Variants in GLIS3 observed in about 807,000 individuals in gnomAD.
The protein encoded by GLIS3 is GLIS family zinc finger 3, also known as zinc finger protein GLIS3.
Under a neutral mutation model 78.6 loss-of-function variants are expected in GLIS3, and 53 were observed. The observed-to-expected ratio is 0.67, with a 90% CI of 0.54 to 0.85. The LOEUF is 0.85. Ranked by LOEUF, GLIS3 falls within the 40% of genes least tolerant of loss-of-function variation. GLIS3 has a pLI of 0.00. For missense variants in GLIS3, 1,703 were observed against 1,231.1 expected (o/e 1.38, Z -5.74); for synonymous variants, 684 against 509.9 (o/e 1.34, Z -4.60).
intron 4 of GLIS3, among the ~76,000 whole-genome samples, chr9:4,063,974 G>C (rs989539029): frequency 6.6e-6 from 1 of 152,106 alleles, no homozygotes; most frequent in Non-Finnish European, 1.5e-5. Context: ...AACAGAAAAG[G>C]TCCTGTTCCA....
the GLIS3 span, among the ~76,000 whole-genome samples, chr9:4,378,878 G>C: frequency 5.9e-5 from 9 of 152,174 alleles, no homozygotes; most frequent in African/African-American, 2.2e-4. Flanking sequence ...CCTGGAGACT[G>C]ATTCTTCCTC....
At chr9:4,386,804 T>TA in the GLIS3 span, among the ~76,000 whole-genome samples, 657 of 152,332 alleles carry the variant, frequency 4.3e-3, 3 homozygotes, top group African/African-American at 0.015. Flanking sequence ...ATTGGCCTTA[T>TA]GTTCCCTGCC....
the GLIS3 span, among the ~76,000 whole-genome samples, chr9:4,440,857 A>G: frequency 2.3e-3 from 342 of 151,950 alleles, 1 homozygote; most frequent in Non-Finnish European, 4.0e-3. Flanking sequence ...TGTAGTTTTC[A>G]TTGTAAAGAT....
the GLIS3 span, among the ~76,000 whole-genome samples, chr9:4,471,341 T>C: frequency 1.3e-5 from 2 of 152,088 alleles, no homozygotes; most frequent in Non-Finnish European, 2.9e-5. Context: ...CATCACGTTA[T>C]GTAAATTCAA....
chr9:4,020,591 T>C (rs1199370368), intron 4 of GLIS3, among the ~76,000 whole-genome samples: 14 of 152,248 alleles, frequency 9.2e-5, no homozygotes. Flanking sequence ...CACATACTTA[T>C]GCAGTGACAT....
intron 6 of GLIS3, among the ~76,000 whole-genome samples, chr9:3,925,999 C>A (rs949797294): frequency 1.3e-5 from 2 of 152,104 alleles, no homozygotes; most frequent in Admixed American, 6.5e-5. Flanking sequence ...AAATGCTAAC[C>A]ATCTGGGTCA....
At chr9:4,277,387 G>C (rs1349860200) in intron 2 of GLIS3, among the ~76,000 whole-genome samples, 1 of 152,100 alleles carries the variant, frequency 6.6e-6, no homozygotes, top group Non-Finnish European at 1.5e-5. Context: ...AACACAAACA[G>C]TAAAAAATAA....
chr9:4,220,867 C>T (rs894786834), intron 2 of GLIS3, among the ~76,000 whole-genome samples: 1 of 152,104 alleles, frequency 6.6e-6, no homozygotes, highest in Non-Finnish European at 1.5e-5. Context: ...GACCTGTAAT[C>T]CCAGCTACTC....
chr9:4,443,544 G>T, the GLIS3 span, among the ~76,000 whole-genome samples: 2 of 152,206 alleles, frequency 1.3e-5, no homozygotes, highest in East Asian at 1.9e-4. Context: ...GGAAAGCAGT[G>T]TCACCCATTT....
At chr9:4,335,346 A>G (rs1248542654) in intron 2 of GLIS3, among the ~76,000 whole-genome samples, 3 of 152,244 alleles carry the variant, frequency 2.0e-5, no homozygotes, top group Admixed American at 2.0e-4. Context: ...TGTGAAATTG[A>G]TCAATTAATT....
At chr9:4,087,992 A>C (rs1239700219) in intron 4 of GLIS3, among the ~76,000 whole-genome samples, 2 of 152,190 alleles carry the variant, frequency 1.3e-5, no homozygotes, top group African/African-American at 4.8e-5. Context: ...CAGACTCCAC[A>C]TGTCATTCAT....
At chr9:3,983,217 A>C (rs1819448213) in intron 4 of GLIS3, among the ~76,000 whole-genome samples, 1 of 152,210 alleles carries the variant, frequency 6.6e-6, no homozygotes, top group South Asian at 2.1e-4. Flanking sequence ...GTTTCCCTGC[A>C]AAAGCTCTCT....
chr9:4,152,397 G>T (rs1327920274), intron 2 of GLIS3, among the ~76,000 whole-genome samples: 1 of 152,072 alleles, frequency 6.6e-6, no homozygotes, highest in Non-Finnish European at 1.5e-5. Flanking sequence ...CAATAACAAG[G>T]TTTACATTTT....
At chr9:4,325,705 AAT>A (rs1427665063) in intron 2 of GLIS3, among the ~76,000 whole-genome samples, 5 of 152,138 alleles carry the variant, frequency 3.3e-5, no homozygotes, top group African/African-American at 7.2e-5. Context: ...TTTTGAGATA[AAT>A]ATGTTTGTTT....
chr9:4,466,632 G>T, the GLIS3 span, among the ~76,000 whole-genome samples: 1 of 152,176 alleles, frequency 6.6e-6, no homozygotes, highest in East Asian at 1.9e-4. Context: ...GGTGTATCAG[G>T]CAAAACCCAA....
intron 2 of GLIS3, among the ~76,000 whole-genome samples, chr9:4,269,859 C>T (rs1826348254): frequency 6.6e-6 from 1 of 152,142 alleles, no homozygotes; most frequent in African/African-American, 2.4e-5. Context: ...CTGGTGGGGA[C>T]ACACAACAAG....
At chr9:4,209,811 TCCCG>T (rs879893273) in intron 2 of GLIS3, among the ~76,000 whole-genome samples, 5,006 of 85,020 alleles carry the variant, frequency 0.059, 110 homozygotes, top group Middle Eastern at 0.12. Context: ...CCAGTAGCAT[TCCCG>T]CCCCCCCCCA....
intron 4 of GLIS3, among the ~76,000 whole-genome samples, chr9:3,999,543 C>G (rs1415057571): frequency 6.6e-6 from 1 of 151,618 alleles, no homozygotes; most frequent in Non-Finnish European, 1.5e-5. Context: ...GGGGGAAATA[C>G]TAACAAAAAT....
At chr9:4,478,605 T>TAA in the GLIS3 span, among the ~76,000 whole-genome samples, 32 of 142,704 alleles carry the variant, frequency 2.2e-4, no homozygotes, top group South Asian at 6.6e-4. Context: ...AGATTCCATC[T>TAA]AAAAAAAAAA....
Sources: allele counts gnomAD v4.1 joint callset (sites outside exome capture counted in the v4.1 genomes callset), GRCh38; gene constraint gnomAD v4.1.1; transcripts MANE v1.5; gene names NCBI Gene and HGNC (gene_info 2026-07-23, HGNC 2026-07-21).